The following GPC6 variants were observed in gnomAD, a reference collection of about 807,000 sequenced individuals.
GPC6 encodes the protein glypican 6.
GPC6 carries 14 observed loss-of-function variants against 55.2 expected under a neutral mutation model. That is an observed-to-expected ratio of 0.25 (90% CI 0.17 to 0.40). GPC6 has a LOEUF of 0.40. Among genes scored for constraint, GPC6 ranks in the 10% least tolerant of loss-of-function variants. The pLI is 1.00. For synonymous variants in GPC6, 278 were observed against 259.6 expected, an observed-to-expected ratio of 1.07 and a Z score of -0.68; for missense variants, 641 against 708.5, an observed-to-expected ratio of 0.90 and a Z score of 1.08.
chr13:93,465,091 T>G (rs1878856692), intron 1 of GPC6, among the ~76,000 whole-genome samples: 1 of 152,226 alleles, frequency 6.6e-6, no homozygotes, highest in Non-Finnish European at 1.5e-5. Context: ...TAAACTGTGC[T>G]GTAAAACAGA....
At chr13:94,286,200 A>G in intron 4 of GPC6, 149 bp from the exon 5 acceptor site, 1 of 682,522 alleles carries the variant, frequency 1.5e-6, no homozygotes, top group East Asian at 2.7e-5. Flanking sequence ...AGATTCAGTC[A>G]TCTATTTCAT....
chr13:94,172,755 T>A (rs1306783761), intron 4 of GPC6, among the ~76,000 whole-genome samples: 1 of 152,198 alleles, frequency 6.6e-6, no homozygotes, highest in Admixed American at 6.5e-5. Flanking sequence ...CTTACATAAA[T>A]GACCAAGTTA....
intron 1 of GPC6, among the ~76,000 whole-genome samples, chr13:93,271,333 T>C (rs1594064486): frequency 6.6e-6 from 1 of 152,198 alleles, no homozygotes; most frequent in Non-Finnish European, 1.5e-5. Context: ...TTTGTCTCCC[T>C]GTGCTGCCTG....
At chr13:93,430,099 G>T (rs1341531749) in intron 1 of GPC6, among the ~76,000 whole-genome samples, 2 of 152,074 alleles carry the variant, frequency 1.3e-5, no homozygotes, top group African/African-American at 4.8e-5. Context: ...GTATGGGAGT[G>T]AATTCTTTTT....
chr13:94,062,242 G>T (rs964892158), intron 4 of GPC6, among the ~76,000 whole-genome samples: 4 of 149,892 alleles, frequency 2.7e-5, no homozygotes, highest in African/African-American at 7.4e-5. Context: ...TGTTTTTTTT[G>T]TTTTGTTTTG....
At chr13:94,316,123 GC>G (rs1876508698) in intron 6 of GPC6, among the ~76,000 whole-genome samples, 1 of 152,014 alleles carries the variant, frequency 6.6e-6, no homozygotes, top group African/African-American at 2.4e-5. Flanking sequence ...TGTAAAGATT[GC>G]CCTGCAAATG....
intron 2 of GPC6, among the ~76,000 whole-genome samples, chr13:93,561,102 A>G (rs1488248632): frequency 6.6e-6 from 1 of 152,190 alleles, no homozygotes; most frequent in Non-Finnish European, 1.5e-5. Context: ...AGTGGTAATG[A>G]CTAATGATCT....
intron 3 of GPC6, among the ~76,000 whole-genome samples, chr13:93,933,937 A>AAGGGTTTTCAAGGAAATAG (rs1445484047): frequency 2.0e-5 from 3 of 152,152 alleles, no homozygotes; most frequent in Non-Finnish European, 4.4e-5. Context: ...GGCCTCAGAA[A>AAGGGTTTTCAAGGAAATAG]AGGGTTTTCA....
intron 4 of GPC6, among the ~76,000 whole-genome samples, chr13:94,033,925 C>G (rs990902662): frequency 6.6e-6 from 1 of 152,012 alleles, no homozygotes; most frequent in African/African-American, 2.4e-5. Flanking sequence ...GGAACAAAAG[C>G]CAAAGCAATT....
chr13:94,149,318 A>G (rs1887660164), intron 4 of GPC6, among the ~76,000 whole-genome samples: 1 of 152,146 alleles, frequency 6.6e-6, no homozygotes, highest in South Asian at 2.1e-4. Flanking sequence ...GCCAGCTCAG[A>G]TGGCCTGCTT....
chr13:93,361,715 C>T (rs9301874), intron 1 of GPC6, among the ~76,000 whole-genome samples: 64,124 of 151,932 alleles, frequency 0.42, 15,330 homozygotes, highest in East Asian at 0.91. Context: ...TTATGAGATG[C>T]GAGACCCTGC....
At chr13:93,584,836 G>GC (rs1027026040) in intron 2 of GPC6, among the ~76,000 whole-genome samples, 2 of 151,806 alleles carry the variant, frequency 1.3e-5, no homozygotes, top group Non-Finnish European at 2.9e-5. Context: ...CTATAGGCAT[G>GC]CACCACCATG....
intron 6 of GPC6, among the ~76,000 whole-genome samples, chr13:94,329,916 C>T (rs1594175474): frequency 6.6e-6 from 1 of 152,288 alleles, no homozygotes; most frequent in East Asian, 1.9e-4. Context: ...AATGTGATTA[C>T]TCAGCCTCTA....
intron 1 of GPC6, among the ~76,000 whole-genome samples, chr13:93,231,401 A>ATG (rs1489283986): frequency 3.0e-4 from 9 of 29,580 alleles, no homozygotes; most frequent in African/African-American, 5.0e-4. Flanking sequence ...ATATATGTAT[A>ATG]TATATATATA....
chr13:93,598,174 T>C (rs1877851164), intron 2 of GPC6, among the ~76,000 whole-genome samples: 2 of 151,642 alleles, frequency 1.3e-5, no homozygotes. Context: ...AATAAAAAAG[T>C]TATATGTGGA....
chr13:94,166,999 C>G (rs1465560811), intron 4 of GPC6, among the ~76,000 whole-genome samples: 1 of 152,084 alleles, frequency 6.6e-6, no homozygotes, highest in East Asian at 1.9e-4. Flanking sequence ...AATAATCATC[C>G]ATTTGGAAGT....
chr13:94,216,588 C>T (rs142364484), intron 4 of GPC6, among the ~76,000 whole-genome samples: 2,060 of 152,188 alleles, frequency 0.014, 21 homozygotes, highest in Non-Finnish European at 0.021. Context: ...GTGTTCAGGC[C>T]CCTCAGCTGG....
intron 1 of GPC6, among the ~76,000 whole-genome samples, chr13:93,544,614 T>C (rs1874672960): frequency 1.3e-5 from 2 of 152,238 alleles, no homozygotes; most frequent in African/African-American, 4.8e-5. Context: ...AAGCAGTAGA[T>C]AGATCTGTTG....
At chr13:93,393,437 C>G (rs1026404449) in intron 1 of GPC6, among the ~76,000 whole-genome samples, 2 of 152,028 alleles carry the variant, frequency 1.3e-5, no homozygotes, top group East Asian at 3.9e-4. Context: ...AATCACCATG[C>G]CTGGCCAAAT....
Sources: gnomAD v4.1 joint callset for allele counts (sites outside exome capture counted in the v4.1 genomes callset) on GRCh38, gnomAD v4.1.1 for gene constraint, MANE v1.5 for transcripts, NCBI Gene and HGNC (gene_info 2026-07-23, HGNC 2026-07-21) for gene names.